LMOD1: variants seen among roughly 807,000 people sequenced by gnomAD.
LMOD1 encodes leiomodin-1.
In LMOD1, 8 loss-of-function variants were observed where a neutral mutation model predicts 36.5. The ratio of observed to expected loss-of-function variants is 0.22; its 90% confidence interval spans 0.13 to 0.40. The LOEUF (loss-of-function observed/expected upper bound fraction) is 0.40. Ranked by LOEUF, LMOD1 falls within the 10% of genes least tolerant of loss-of-function variation. The pLI is 1.00. For missense variants in LMOD1, 630 were observed against 751.1 expected (o/e 0.84, Z 1.88); for synonymous variants, 284 against 288.7 (o/e 0.98, Z 0.17).
intron 1 of LMOD1, among the ~76,000 whole-genome samples, chr1:201,905,135 C>T (rs1277039238): frequency 2.0e-5 from 3 of 152,116 alleles, no homozygotes; most frequent in Non-Finnish European, 4.4e-5. Context: ...GTTATTTTTT[C>T]CCTTTGCGAA....
In LMOD1 at chr1:201,900,516, G is replaced by A. The variant is rs1406316475; in HGVS notation, c.497C>T (p.Ala166Val). 1 of 1,613,410 alleles carries A rather than the reference G, an allele frequency of 6.2e-7. No individual in the cohort carries two copies. Among genetic ancestry groups the A allele is most frequent in the Non-Finnish European group, 8.5e-7 (1 of 1,179,802 alleles). ...RGIDKGRVRAAVDKKEAGKDG... is the reference protein window; with the variant it reads ...RGIDKGRVRAVVDKKEAGKDG... ...CTTCCCTGCCTCCTTCTTATCCACT[G>A]CAGCCCTGACCCGGCCCTTGTCAAT... Residue 166 changes from alanine (A) to valine (V), a missense_variant, in exon 2 of 3, where the codon GCA becomes GTA. By Grantham distance (64) the Ala-to-Val change is moderately conservative (BLOSUM62 0). Transcript: ENST00000367288.
At chr1:201,936,430 A>G (rs1192580992) in intron 1 of LMOD1, among the ~76,000 whole-genome samples, 1 of 152,052 alleles carries the variant, frequency 6.6e-6, no homozygotes, top group Non-Finnish European at 1.5e-5. Flanking sequence ...TGCTGCCCTA[A>G]AAGTCCCCAC....
At chr1:201,900,987 C>G (rs1483239489) in intron 1 of LMOD1, among the ~76,000 whole-genome samples, 2 of 152,138 alleles carry the variant, frequency 1.3e-5, no homozygotes, top group Admixed American at 6.5e-5. Context: ...GTGAGACAAC[C>G]AAACAAATAC....
intron 1 of LMOD1, among the ~76,000 whole-genome samples, chr1:201,941,467 C>A (rs12408334): frequency 6.6e-6 from 1 of 152,130 alleles, no homozygotes; most frequent in Non-Finnish European, 1.5e-5. Context: ...AACAGGCCCC[C>A]GTCACCTCTT....
At chr1:201,913,556 G>C (rs1681548223) in intron 1 of LMOD1, among the ~76,000 whole-genome samples, 1 of 152,182 alleles carries the variant, frequency 6.6e-6, no homozygotes, top group Non-Finnish European at 1.5e-5. Flanking sequence ...GCAGTGAGCT[G>C]AGATTGCACG....
At chr1:201,909,900 T>C (rs1403814596) in intron 1 of LMOD1, among the ~76,000 whole-genome samples, 1 of 152,204 alleles carries the variant, frequency 6.6e-6, no homozygotes, top group Non-Finnish European at 1.5e-5. Flanking sequence ...ACTTTTAACC[T>C]CTATGTTATG....
At chr1:201,924,003 GAGAAAAGAAAGAAAA>G (rs1010399924) in intron 1 of LMOD1, among the ~76,000 whole-genome samples, 1 of 150,884 alleles carries the variant, frequency 6.6e-6, no homozygotes, top group Non-Finnish European at 1.5e-5. Flanking sequence ...AAGAAAGAAA[GAGAAAAGAAAGAAAA>G]AGAAAAGAAA....
At chr1:201,919,754 T>C (rs1187505537) in intron 1 of LMOD1, among the ~76,000 whole-genome samples, 1 of 152,216 alleles carries the variant, frequency 6.6e-6, no homozygotes, top group Non-Finnish European at 1.5e-5. Context: ...GACTCTCAGC[T>C]TCAGATAATC....
chr1:201,911,521 C>T (rs966138294), intron 1 of LMOD1, among the ~76,000 whole-genome samples: 7 of 152,104 alleles, frequency 4.6e-5, no homozygotes, highest in African/African-American at 7.2e-5. Flanking sequence ...AAAAATTAGC[C>T]GGGCGTGGTG....
intron 1 of LMOD1, among the ~76,000 whole-genome samples, chr1:201,932,837 A>G (rs1681948264): frequency 6.6e-6 from 1 of 152,216 alleles, no homozygotes; most frequent in Non-Finnish European, 1.5e-5. Flanking sequence ...AAATTTTTGT[A>G]TCTTTTCCTC....
intron 1 of LMOD1, among the ~76,000 whole-genome samples, chr1:201,905,639 C>G (rs1489708168): frequency 1.3e-5 from 2 of 152,254 alleles, no homozygotes; most frequent in Non-Finnish European, 2.9e-5. Context: ...CACCGTCCCC[C>G]ACTGAGGTCA....
At chr1:201,898,495 G>T in intron 2 of LMOD1, 97 bp from the exon 3 acceptor site, 1 of 1,097,072 alleles carries the variant, frequency 9.1e-7, no homozygotes, top group Non-Finnish European at 1.3e-6. Flanking sequence ...AATATGTTAT[G>T]TCTGTGGAAT....
intron 1 of LMOD1, among the ~76,000 whole-genome samples, chr1:201,914,940 C>G (rs1202483902): frequency 6.6e-6 from 1 of 152,124 alleles, no homozygotes; most frequent in Non-Finnish European, 1.5e-5. Flanking sequence ...TTCCCGTATA[C>G]CCAAACTTCC....
At chr1:201,910,941 C>T (rs1386241585) in intron 1 of LMOD1, among the ~76,000 whole-genome samples, 1 of 151,728 alleles carries the variant, frequency 6.6e-6, no homozygotes, top group African/African-American at 2.4e-5. Context: ...TAAACTATAT[C>T]AGTAGTAAGT....
Position 201,896,598 on chromosome 1 carries a change from T to C in LMOD1, c.*1774A>G. ...GAAGCAACCTAAAGCATCTAGCTAG[T>C]GCCCAGTGCCCAGCAGGCACAGGGG... On this transcript the variant is annotated 3_prime_UTR_variant, in exon 3 of 3. Coordinates refer to ENST00000367288, the MANE Select transcript of LMOD1 (RefSeq NM_012134.3). The C allele has an allele frequency of 6.6e-6, 3 of 456,736 alleles. No homozygotes were observed. Among genetic ancestry groups the C allele is most frequent in the Non-Finnish European group, 1.3e-5 (3 of 226,974 alleles). The allele number at this position is 456,736 out of a possible 1,614,324, so 28.3% of individuals were successfully genotyped here. A position where few individuals can be genotyped will look rare whatever the true frequency, so the allele number is the denominator to read the frequency against.
chr1:201,917,408 C>T (rs560151079), intron 1 of LMOD1, among the ~76,000 whole-genome samples: 18 of 152,160 alleles, frequency 1.2e-4, no homozygotes, highest in Non-Finnish European at 2.2e-4. Context: ...GCAACACAGC[C>T]TGCAATAGCT....
chr1:201,940,480 C>T (rs1028531275), intron 1 of LMOD1, among the ~76,000 whole-genome samples: 2 of 151,958 alleles, frequency 1.3e-5, no homozygotes, highest in African/African-American at 2.4e-5. Context: ...CCACGGCACC[C>T]GGCCTAACCA....
intron 1 of LMOD1, among the ~76,000 whole-genome samples, chr1:201,904,978 AG>A (rs1403548974): frequency 1.3e-5 from 2 of 152,214 alleles, no homozygotes; most frequent in Admixed American, 1.3e-4. Context: ...GGTGACCTCC[AG>A]AGGTTATTTT....
chr1:201,938,842 C>G (rs1386289190), intron 1 of LMOD1, among the ~76,000 whole-genome samples: 1 of 152,198 alleles, frequency 6.6e-6, no homozygotes, highest in African/African-American at 2.4e-5. Flanking sequence ...CCAGGGACAG[C>G]TGAAGCCAAG....
Sources: allele counts gnomAD v4.1 joint callset (sites outside exome capture counted in the v4.1 genomes callset), GRCh38; gene constraint gnomAD v4.1.1; transcripts MANE v1.5; gene names NCBI Gene and HGNC (gene_info 2026-07-23, HGNC 2026-07-21).